IL11RA: variants seen among roughly 807,000 people sequenced by gnomAD.
The protein encoded by IL11RA is interleukin-11 receptor subunit alpha.
In IL11RA, 51 loss-of-function variants were observed where a neutral mutation model predicts 57.0. The ratio of observed to expected loss-of-function variants is 0.89; its 90% CI spans 0.71 to 1.13. The LOEUF (loss-of-function observed/expected upper bound fraction) is 1.13, where lower values mean the gene tolerates loss of function less well. IL11RA is among the 50% of genes most tolerant of loss of function. The pLI is 0.00. For synonymous variants in IL11RA, 199 were observed against 217.5 expected (o/e 0.91, Z 0.75); for missense variants, 498 against 539.4 (o/e 0.92, Z 0.76).
At position 34,661,847 on chromosome 9, in the gene IL11RA, G is replaced by T; in HGVS notation, c.*349G>T. The T allele has an allele frequency of 7.0e-7, 1 of 1,427,516 alleles. No homozygotes were observed. The highest frequency in any genetic ancestry group is 1.3e-5 in the South Asian group (1 of 79,534). 88.4% of individuals were successfully genotyped at this position (1,427,516 alleles called of 1,614,324 possible). Reference sequence around the variant, plus strand: ...GCTCTTGGCCTTTCCCCTTGCAGGGGTTGTGCAGGTGTGAATAAAGAGAAT... The same window carrying T: ...GCTCTTGGCCTTTCCCCTTGCAGGGTTTGTGCAGGTGTGAATAAAGAGAAT... On this transcript the variant is annotated 3_prime_UTR_variant, in exon 13 of 13. Coordinates refer to ENST00000441545, the MANE Select transcript of IL11RA (RefSeq NM_001142784.3).
In IL11RA at chr9:34,658,580, T is replaced by C. The variant is rs769726217; in HGVS notation, c.707T>C (p.Leu236Pro). ...VESVPGYPRR[L>P]RASWTYPASW... The stretch of plus-strand genomic sequence containing the variant: ...TCAGTACCAGGTTACCCCCGACGCC[T>C]GCGAGCCAGCTGGACATACCCTGCC... The change falls in exon 8 of 13, where the codon CTG becomes CCG. Residue 236 changes from leucine to proline, a missense_variant. Physicochemically the swap from Leu to Pro is moderately conservative, Grantham distance 98 (BLOSUM62 -3). Transcript: ENST00000441545. The surrounding 1 kb of genome is among the most constrained non-coding windows in gnomAD (Gnocchi z 4.0). The C allele has an allele frequency of 6.8e-6, 11 of 1,614,104 alleles. No homozygotes were observed. The East Asian group carries it at 2.5e-4, about 36-fold the overall frequency.
At position 34,659,895 on chromosome 9, in the gene IL11RA, G is replaced by C. The variant is rs764508493; in HGVS notation, c.947G>C (p.Ser316Thr). 6.2e-7 allele frequency: 1 copy of C among 1,614,144 alleles called. No individual in the cohort carries two copies. The highest frequency in any genetic ancestry group is 8.5e-7 in the Non-Finnish European group (1 of 1,179,990). Residue 316 changes from serine (S) to threonine (T), a missense_variant, in exon 9 of 13, where the codon AGC becomes ACC. Coordinates refer to ENST00000441545, the MANE Select transcript of IL11RA (RefSeq NM_001142784.3). Reference sequence around the variant, plus strand: ...AGCCCGGAGGCCTGGGGAACTCCGAGCACTGGTGAGAGACAAAGCCAAAGA... The same window carrying C: ...AGCCCGGAGGCCTGGGGAACTCCGACCACTGGTGAGAGACAAAGCCAAAGA... Reference protein sequence around the residue: ...TWSPEAWGTPSTGTIPKEIPA... With the variant: ...TWSPEAWGTPTTGTIPKEIPA...
chr9:34,660,401 TG>T lies in IL11RA; in HGVS notation c.1072+11del. On this transcript the variant is annotated intron_variant, in intron 10 of 12. Coordinates refer to ENST00000441545, the MANE Select transcript of IL11RA (RefSeq NM_001142784.3). ...CACACCCTCGGCTACTTGGTGAGCT[TG>T]GGCAGATGGGCAAGACTTGTAAAGG... 6.2e-7 allele frequency: 1 copy of T among 1,613,968 alleles called. No individual in the cohort carries two copies. The highest frequency in any genetic ancestry group is 1.1e-5 in the South Asian group (1 of 91,064).
Position 34,657,072 on chromosome 9 carries a change from C to T in IL11RA, c.369C>T (p.Ala123=), listed in dbSNP as rs113716899. 22 of 1,614,128 alleles carry T rather than the reference C, an allele frequency of 1.4e-5. 1 individual carries two copies. Among genetic ancestry groups the T allele is most frequent in the South Asian group, 7.7e-5 (7 of 91,074 alleles). The part of the protein sequence containing the change: ...PARPVVSCQA[A]DYENFSCTWS... ...GCCCTGTTGTCTCCTGCCAAGCAGC[C>T]GACTATGAGAACTTCTCTTGCACTT... Residue 123 remains alanine, a synonymous_variant, in exon 5 of 13, where the codon GCC becomes GCT. Transcript: ENST00000441545.
At position 34,657,166 on chromosome 9, in the gene IL11RA, G is replaced by T; in HGVS notation, c.446+17G>T. The T allele has an allele frequency of 6.2e-7, 1 of 1,610,144 alleles. No individual in the cohort carries two copies. The highest frequency in any genetic ancestry group is 8.5e-7 in the Non-Finnish European group (1 of 1,176,354). On this transcript the variant is annotated intron_variant, in intron 5 of 12. Coordinates refer to ENST00000441545, the MANE Select transcript of IL11RA (RefSeq NM_001142784.3). ...CTCCTACAGGTGTGTGTGTGATTGG[G>T]TGTGGATGCCTACACATTTGGGTAT...
At chr9:34,660,987 T>C (rs1821446374) in intron 12 of IL11RA, 51 bp downstream of exon 12, 1 of 1,445,306 alleles carries the variant, frequency 6.9e-7, no homozygotes, top group Non-Finnish European at 9.7e-7. Flanking sequence ...GCCCCTATTT[T>C]GAGTGTCCAG....
At position 34,657,080 on chromosome 9, in the gene IL11RA, A is replaced by G. The variant is rs755185119; in HGVS notation, c.377A>G (p.Glu126Gly). The G allele has an allele frequency of 1.3e-5, 21 of 1,614,010 alleles. No homozygotes were observed. In the East Asian group the frequency reaches 4.2e-4, roughly 33 times the overall value. ...PVVSCQAADY[E>G]NFSCTWSPSQ... ...GTCTCCTGCCAAGCAGCCGACTATG[A>G]GAACTTCTCTTGCACTTGGAGTCCC... is the stretch of plus-strand genomic sequence containing the variant. The change falls in exon 5 of 13, where the codon GAG (glutamate) becomes GGG (glycine). Residue 126 changes from glutamate (E) to glycine (G), a missense_variant. Glu to Gly is a moderately conservative substitution (Grantham distance 98). Coordinates refer to ENST00000441545, the MANE Select transcript of IL11RA (RefSeq NM_001142784.3).
intron 11 of IL11RA, 21 bp from the exon 12 acceptor site, chr9:34,660,833 A>G (rs578003319): frequency 5.0e-6 from 8 of 1,606,426 alleles, no homozygotes; most frequent in East Asian, 2.2e-5. Context: ...TTGGAGAGAC[A>G]GCTGCCTTTC....
Position 34,661,825 on chromosome 9 carries a change from C to G in IL11RA, c.*327C>G, listed in dbSNP as rs1821463554. ...GGGGAGTGTGTGTGGGTCCTTGGCT[C>G]TTGGCCTTTCCCCTTGCAGGGGTTG... On this transcript the variant is annotated 3_prime_UTR_variant, in exon 13 of 13. Transcript: ENST00000441545. The G allele has an allele frequency of 1.6e-6, 2 of 1,225,764 alleles. No individual in the cohort carries two copies. The highest frequency in any genetic ancestry group is 1.5e-5 in the African/African-American group (1 of 66,716). The allele number at this position is 1,225,764 out of a possible 1,614,324, so 75.9% of individuals were successfully genotyped here. A position where few individuals can be genotyped will look rare whatever the true frequency, so the allele number is the denominator to read the frequency against.
intron 1 of IL11RA, chr9:34,654,994 C>CAT (rs144043150): frequency 4.7e-4 from 224 of 475,454 alleles, no homozygotes; most frequent in Non-Finnish European, 7.4e-4. Flanking sequence ...TGTGTGTGTC[C>CAT]GTGTGTGTGT....
Position 34,659,722 on chromosome 9 carries a change from T to A in IL11RA, c.811-37T>A. 3.7e-6 allele frequency: 6 copies of A among 1,613,800 alleles called. No homozygotes were observed. In the South Asian group the frequency reaches 5.5e-5, roughly 15 times the overall value. ...ATGGTGGCTGGGAAGGCCCTGCACT[T>A]ACAAGCTGGGTAACAGTGAGTCATG... On this transcript the variant is annotated intron_variant, in intron 8 of 12. Transcript: ENST00000441545.
Position 34,658,835 on chromosome 9 carries a change from A to T in IL11RA, c.810+152A>T. The T allele has an allele frequency of 1.2e-6, 1 of 822,314 alleles. No individual in the cohort carries two copies. The highest frequency in any genetic ancestry group is 3.2e-4 in the Middle Eastern group (1 of 3,170). The allele number at this position is 822,314 out of a possible 1,614,324, so 50.9% of individuals were successfully genotyped here. A position where few individuals can be genotyped will look rare whatever the true frequency, so the allele number is the denominator to read the frequency against. Reference sequence around the variant, plus strand: ...GGCTTTGTACTGGGTGCTGGGTTGCAGTGGTGACTGAGAGACTGAATGTCT... The same window carrying T: ...GGCTTTGTACTGGGTGCTGGGTTGCTGTGGTGACTGAGAGACTGAATGTCT... On this transcript the variant is annotated intron_variant, in intron 8 of 12. Coordinates refer to ENST00000441545, the MANE Select transcript of IL11RA (RefSeq NM_001142784.3). This position sits in a 1 kb window ranked among gnomAD's most constrained non-coding sequence, Gnocchi z 4.0.
In IL11RA at chr9:34,659,821, A is replaced by G. The variant is rs750692145; in HGVS notation, c.873A>G (p.Val291=). ...TDAVAGLPHA[V]RVSARDFLDA... ...CTGTGGCTGGGCTGCCCCATGCTGTACGAGTCAGTGCCCGGGACTTTCTAG... is the reference window on the plus strand; with the variant it reads ...CTGTGGCTGGGCTGCCCCATGCTGTGCGAGTCAGTGCCCGGGACTTTCTAG... Residue 291 remains valine, a synonymous_variant, in exon 9 of 13, where the codon GTA becomes GTG. Coordinates refer to ENST00000441545, the MANE Select transcript of IL11RA (RefSeq NM_001142784.3). 1.2e-6 allele frequency: 2 copies of G among 1,614,046 alleles called. No individual in the cohort carries two copies.
chr9:34,661,423 G>T, intron 12 of IL11RA, 59 bp from the exon 13 acceptor site: 1 of 1,593,618 alleles, frequency 6.3e-7, no homozygotes, highest in Non-Finnish European at 8.6e-7. Flanking sequence ...CATTCTCAGG[G>T]TGTCTGGGCC....
At chr9:34,652,643 C>T (rs1821275050) in intron 1 of IL11RA, among the ~76,000 whole-genome samples, 1 of 152,082 alleles carries the variant, frequency 6.6e-6, no homozygotes, top group Non-Finnish European at 1.5e-5. Context: ...CAATGTGTGA[C>T]TTCAGCAGTA....
chr9:34,655,917 A>G, intron 3 of IL11RA: 1 of 561,850 alleles, frequency 1.8e-6, no homozygotes. Context: ...CCTGCCTTCA[A>G]AGAGCTTACA....
At chr9:34,655,561 A>AGG in intron 2 of IL11RA, 44 bp from the exon 3 acceptor site, 1 of 1,563,682 alleles carries the variant, frequency 6.4e-7, no homozygotes, top group Non-Finnish European at 8.8e-7. Context: ...CAAAGTGGGG[A>AGG]GGGGGGTAAA....
At chr9:34,660,804 A>G (rs753638246) in intron 11 of IL11RA, 50 bp from the exon 12 acceptor site, 2 of 1,517,782 alleles carry the variant, frequency 1.3e-6, no homozygotes, top group East Asian at 4.5e-5. Flanking sequence ...TTTGGCGGAG[A>G]CTGAGATAAC....
chr9:34,657,290 C>T lies in IL11RA; in HGVS notation c.447-13C>T. Reference sequence around the variant, plus strand: ...TTTTCCTTCCTGACTTCAGATGGCCCCCTCCCCACCAGGAAGAAGACAGTC... The same window carrying T: ...TTTTCCTTCCTGACTTCAGATGGCCTCCTCCCCACCAGGAAGAAGACAGTC... On this transcript the variant is annotated splice_polypyrimidine_tract_variant and intron_variant, in intron 5 of 12. Transcript: ENST00000441545. The T allele has an allele frequency of 8.7e-6, 14 of 1,614,108 alleles. No homozygotes were observed. The highest frequency in any genetic ancestry group is 1.2e-5 in the Non-Finnish European group (14 of 1,180,000).
Sources: allele counts gnomAD v4.1 joint callset (sites outside exome capture counted in the v4.1 genomes callset), GRCh38; gene constraint gnomAD v4.1.1; non-coding constraint Gnocchi (gnomAD v3.1); transcripts MANE v1.5; gene names NCBI Gene and HGNC (gene_info 2026-07-23, HGNC 2026-07-21).